The following F13B variants were observed in gnomAD, a reference collection of about 807,000 sequenced individuals.
F13B encodes coagulation factor XIII B chain, also known as TGase.
Under a neutral mutation model 79.8 loss-of-function variants are expected in F13B, and 58 were observed. The ratio of observed to expected loss-of-function variants is 0.73; its 90% CI spans 0.59 to 0.90. The LOEUF (loss-of-function observed/expected upper bound fraction) is 0.90. Ranked by LOEUF, F13B falls within the 40% of genes least tolerant of loss-of-function variation. The pLI is 0.00. For synonymous variants in F13B, 283 were observed against 260.3 expected, an observed-to-expected ratio of 1.09 and a Z score of -0.84; for missense variants, 773 against 777.0, an observed-to-expected ratio of 0.99 and a Z score of 0.06.
In F13B at chr1:197,061,973, T is replaced by C; in HGVS notation, c.266-4A>G. ...AGGTCAGGCTTAGTGCATTTTTCTA[T>C]GGGAAAAAAAATTATTTAACTTAAT... On this transcript the variant is annotated splice_region_variant and splice_polypyrimidine_tract_variant and intron_variant, in intron 2 of 11. Transcript: ENST00000367412. 2 of 1,608,456 alleles carry C rather than the reference T, an allele frequency of 1.2e-6. No homozygotes were observed. Among genetic ancestry groups the C allele is most frequent in the South Asian group, 1.1e-5 (1 of 90,778 alleles).
rs146964773 is a variant in F13B, at chr1:197,050,134, A to C, written c.1738+563T>G. Among the ~76,000 whole-genome samples, 114 of 152,280 alleles carry C rather than the reference A, an allele frequency of 7.5e-4. 1 individual carries two copies. In the East Asian group the frequency reaches 0.02, roughly 27 times the overall value. ...AGATATCCACTACCTCTTCCATTCA[A>C]CATTGTACTGAAGTCCTAGCCAGTG... On this transcript the variant is annotated intron_variant, in intron 10 of 11. Transcript: ENST00000367412.
In F13B at chr1:197,062,844, C is replaced by A; in HGVS notation, c.265+13G>T. On this transcript the variant is annotated intron_variant, in intron 2 of 11. Coordinates refer to ENST00000367412, the MANE Select transcript of F13B (RefSeq NM_001994.3). ...AGTATTGAAACATTGAGTGACATAT[C>A]CAGCTGACTTACTGAAGCACCTTGG... 1.9e-6 allele frequency: 3 copies of A among 1,613,108 alleles called. No individual in the cohort carries two copies. Among genetic ancestry groups the A allele is most frequent in the Non-Finnish European group, 2.5e-6 (3 of 1,179,180 alleles).
At chr1:197,044,268 A>G (rs1655146090) in intron 10 of F13B, among the ~76,000 whole-genome samples, 1 of 152,002 alleles carries the variant, frequency 6.6e-6, no homozygotes, top group Admixed American at 6.6e-5. Context: ...AGCCTTGCTC[A>G]CTGCTAGCTC....
Position 197,060,407 on chromosome 1 carries a change from C to G in F13B, c.764G>C (p.Cys255Ser). The G allele has an allele frequency of 6.2e-7, 1 of 1,612,452 alleles. No homozygotes were observed. Among genetic ancestry groups the G allele is most frequent in the East Asian group, 2.2e-5 (1 of 44,692 alleles). Residue 255 changes from cysteine to serine, a missense_variant, in exon 5 of 12, where the codon TGC (cysteine) becomes TCC (serine). Cys to Ser is a moderately radical substitution (Grantham distance 112). Transcript: ENST00000367412. The stretch of plus-strand genomic sequence containing the variant: ...TTCTGGGTACCAACCAAAGTTATAG[C>G]ATTGAATTAAATCAGATCCACTTAG... ...YYLSGSDLIQ[C>S]YNFGWYPESP...
intron 9 of F13B, among the ~76,000 whole-genome samples, chr1:197,052,166 T>C (rs1221835291): frequency 6.6e-6 from 1 of 152,186 alleles, no homozygotes; most frequent in African/African-American, 2.4e-5. Flanking sequence ...GGTTTTTACA[T>C]TTAAATCTTT....
rs1330398588 is a variant in F13B, at chr1:197,057,145, C to T, written c.1039G>A (p.Ala347Thr). The change falls in exon 7 of 12, where the codon GCA becomes ACA. Residue 347 changes from alanine (A) to threonine (T), a missense_variant. Coordinates refer to ENST00000367412, the MANE Select transcript of F13B (RefSeq NM_001994.3). Reference sequence around the variant, plus strand: ...TAATAAATCTTAGAGTGTAAATTTGCTGCACCATTTTCAATGAAGGGTGGT... The same window carrying T: ...TAATAAATCTTAGAGTGTAAATTTGTTGCACCATTTTCAATGAAGGGTGGT... Reference protein sequence around the residue: ...EEPPFIENGAANLHSKIYYNG... With the variant: ...EEPPFIENGATNLHSKIYYNG... The T allele has an allele frequency of 3.1e-6, 5 of 1,613,898 alleles. No homozygotes were observed. The highest frequency in any genetic ancestry group is 3.4e-6 in the Non-Finnish European group (4 of 1,179,914).
At position 197,057,367 on chromosome 1, in the gene F13B, A is replaced by C. The variant is rs1298029171; in HGVS notation, c.904T>G (p.Cys302Gly). The C allele has an allele frequency of 6.2e-7, 1 of 1,613,976 alleles. No homozygotes were observed. The highest frequency in any genetic ancestry group is 8.5e-7 in the Non-Finnish European group (1 of 1,179,922). The change falls in exon 6 of 12, where the codon TGT (cysteine) becomes GGT (glycine). Residue 302 changes from cysteine to glycine, a missense_variant. Transcript: ENST00000367412. ...YRHGEIVHIE[C>G]ELNFEIHGSA... ...CCATGGATCTCAAAATTAAGTTCAC[A>C]TTCTATATGAACTATTTCTCCATGA... is the stretch of plus-strand genomic sequence containing the variant.
rs1026731950 is a variant in F13B at position 197,050,738 on chromosome 1, T to C, written c.1697A>G (p.Tyr566Cys). The change falls in exon 10 of 12, where the codon TAT (tyrosine) becomes TGT (cysteine). Residue 566 changes from tyrosine to cysteine, a missense_variant. Transcript: ENST00000367412. ...TGTAGTCCACATTCCATCTAAACAATAGGCCTCCCTAGATCCTTCTAGGAA... is the reference window on the plus strand; with the variant it reads ...TGTAGTCCACATTCCATCTAAACAACAGGCCTCCCTAGATCCTTCTAGGAA... ...HHFLEGSREA[Y>C]CLDGMWTTPP... The C allele has an allele frequency of 5.6e-6, 9 of 1,613,146 alleles. No homozygotes were observed. The highest frequency in any genetic ancestry group is 1.1e-5 in the South Asian group (1 of 91,086).
intron 11 of F13B, 151 bp from the exon 12 acceptor site, chr1:197,039,562 C>T (rs1654961275): frequency 1.6e-6 from 1 of 618,706 alleles, no homozygotes; most frequent in East Asian, 2.7e-5. Flanking sequence ...AATAATACCA[C>T]CAGTTCCCTT....
intron 10 of F13B, among the ~76,000 whole-genome samples, chr1:197,043,510 T>C (rs924797645): frequency 6.6e-6 from 1 of 152,190 alleles, no homozygotes. Flanking sequence ...CAAGCCTTAA[T>C]AAAAAGTATG....
chr1:197,051,461 A>G (rs1466968004), intron 9 of F13B, among the ~76,000 whole-genome samples: 1 of 152,090 alleles, frequency 6.6e-6, no homozygotes, highest in Non-Finnish European at 1.5e-5. Context: ...AATAGTCCCT[A>G]TAGCCAGTGA....
At chr1:197,063,081 G>A in intron 1 of F13B, 24 bp from the exon 2 acceptor site, 1 of 1,589,216 alleles carries the variant, frequency 6.3e-7, no homozygotes, top group Non-Finnish European at 8.6e-7. Context: ...ATGTCAAGCT[G>A]AAAATGGAAA....
At chr1:197,056,383 A>C (rs1390473156) in intron 7 of F13B, among the ~76,000 whole-genome samples, 1 of 152,122 alleles carries the variant, frequency 6.6e-6, no homozygotes, top group East Asian at 1.9e-4. Context: ...TTATTTAATA[A>C]ATATCCTAGA....
At chr1:197,050,943 T>C in intron 9 of F13B, 64 bp from the exon 10 acceptor site, 1 of 1,374,266 alleles carries the variant, frequency 7.3e-7, no homozygotes, top group Non-Finnish European at 1.0e-6. Context: ...ACTTTATAAG[T>C]GCTACAGAGA....
rs1157669994 is a variant in F13B, at chr1:197,060,958, T to G, written c.569A>C (p.Lys190Thr). Residue 190 changes from lysine (K) to threonine (T), a missense_variant, in exon 4 of 12, where the codon AAG (lysine) becomes ACG (threonine). Lys to Thr is a moderately conservative substitution (Grantham distance 78). Coordinates refer to ENST00000367412, the MANE Select transcript of F13B (RefSeq NM_001994.3). Reference protein sequence around the residue: ...CATGYYTAGGKKTEEVECLTY... With the variant: ...CATGYYTAGGTKTEEVECLTY... ...GAGACATTCTACCTCCTCTGTCTTC[T>G]TTCCTCCAGCTGTGTAGTAGCCAGT... The G allele has an allele frequency of 1.4e-5, 22 of 1,613,220 alleles. No individual in the cohort carries two copies. Among genetic ancestry groups the G allele is most frequent in the Non-Finnish European group, 1.8e-5 (21 of 1,179,470 alleles).
At chr1:197,050,567 T>C in intron 10 of F13B, 130 bp downstream of exon 10, 1 of 786,720 alleles carries the variant, frequency 1.3e-6, no homozygotes. Flanking sequence ...AGTGATAAAA[T>C]AAGCACATGA....
intron 10 of F13B, 97 bp from the exon 11 acceptor site, chr1:197,040,832 G>A (rs754714447): frequency 1.4e-4 from 137 of 957,900 alleles, no homozygotes; most frequent in Admixed American, 4.4e-4. Flanking sequence ...CTACTCATGA[G>A]GACCTTAAAA....
chr1:197,039,311 C>T lies in F13B; in HGVS notation c.*67G>A. Reference sequence around the variant, plus strand: ...CTCCGAAGTTTTTAACTTATTTCCTCAAAATTATATTTTATAAGGAATTTC... The same window carrying T: ...CTCCGAAGTTTTTAACTTATTTCCTTAAAATTATATTTTATAAGGAATTTC... On this transcript the variant is annotated 3_prime_UTR_variant, in exon 12 of 12. Coordinates refer to ENST00000367412, the MANE Select transcript of F13B (RefSeq NM_001994.3). 1 of 1,381,792 alleles carries T rather than the reference C, an allele frequency of 7.2e-7. No individual in the cohort carries two copies. Among genetic ancestry groups the T allele is most frequent in the Non-Finnish European group, 1.0e-6 (1 of 982,106 alleles). 85.6% of individuals were successfully genotyped at this position (1,381,792 alleles called of 1,614,324 possible).
chr1:197,061,776 T>G lies in F13B; in HGVS notation c.451+8A>C. On this transcript the variant is annotated splice_region_variant and intron_variant, in intron 3 of 11. Coordinates refer to ENST00000367412, the MANE Select transcript of F13B (RefSeq NM_001994.3). Reference sequence around the variant, plus strand: ...CTTATCTTCAGTTTTAGGAAATGATTCTTATACCATGTTCTTTCCTACAGG... The same window carrying G: ...CTTATCTTCAGTTTTAGGAAATGATGCTTATACCATGTTCTTTCCTACAGG... 6.2e-7 allele frequency: 1 copy of G among 1,611,704 alleles called. No homozygotes were observed. Among genetic ancestry groups the G allele is most frequent in the South Asian group, 1.1e-5 (1 of 91,026 alleles).
Sources: gnomAD v4.1 joint callset for allele counts (sites outside exome capture counted in the v4.1 genomes callset) on GRCh38, gnomAD v4.1.1 for gene constraint, MANE v1.5 for transcripts, NCBI Gene and HGNC (gene_info 2026-07-23, HGNC 2026-07-21) for gene names.